The following PLCH1 variants were observed in gnomAD, a reference collection of about 807,000 sequenced individuals.
PLCH1 encodes 1-phosphatidylinositol 4,5-bisphosphate phosphodiesterase eta-1.
In PLCH1, 60 loss-of-function variants were observed where a neutral mutation model predicts 126.7. The ratio of observed to expected loss-of-function variants is 0.47; its 90% CI spans 0.38 to 0.59. The LOEUF (loss-of-function observed/expected upper bound fraction) is 0.59. PLCH1 is among the 20% of genes least tolerant of loss of function. PLCH1 has a pLI of 0.00. For synonymous variants in PLCH1, 719 were observed against 734.9 expected, an observed-to-expected ratio of 0.98 and a Z score of 0.35; for missense variants, 1,723 against 2,040.0, an observed-to-expected ratio of 0.84 and a Z score of 2.99.
chr3:155,688,363 A>G (rs1284097286), intron 2 of PLCH1, among the ~76,000 whole-genome samples: 1 of 152,250 alleles, frequency 6.6e-6, no homozygotes, highest in Non-Finnish European at 1.5e-5. Flanking sequence ...TTAGCATTTC[A>G]TAATACTTAG....
chr3:155,465,261 T>G (rs979408419), intron 21 of PLCH1, among the ~76,000 whole-genome samples: 13 of 150,940 alleles, frequency 8.6e-5, no homozygotes, highest in African/African-American at 3.2e-4. Flanking sequence ...GAAGGAAGAG[T>G]GGGGAGGACT....
At chr3:155,468,065 C>T (rs1002757740) in intron 21 of PLCH1, among the ~76,000 whole-genome samples, 7 of 152,016 alleles carry the variant, frequency 4.6e-5, no homozygotes, top group African/African-American at 1.7e-4. Context: ...ATAGTCAGTA[C>T]AATAAGATAT....
chr3:155,665,604 T>G (rs1742637705), intron 2 of PLCH1, among the ~76,000 whole-genome samples: 1 of 152,174 alleles, frequency 6.6e-6, no homozygotes, highest in Admixed American at 6.5e-5. Flanking sequence ...GATCTGCCTC[T>G]AGCACACTCA....
chr3:155,465,932 T>C (rs1712912388), intron 21 of PLCH1, among the ~76,000 whole-genome samples: 1 of 152,200 alleles, frequency 6.6e-6, no homozygotes, highest in Non-Finnish European at 1.5e-5. Flanking sequence ...TGGGAAGGAC[T>C]GCATCTTGTG....
At position 155,636,314 on chromosome 3, in the gene PLCH1, G is replaced by T. The variant is rs71310440; in HGVS notation, c.80-39936C>A. 4.2e-3 allele frequency among the ~76,000 whole-genome samples: 643 copies of T among 152,224 alleles called. 5 individuals carry two copies. The highest frequency in any genetic ancestry group is 4.4e-3 in the Non-Finnish European group (298 of 67,990). ...AAAATGTAGTCAATGTTTTGTTGTT[G>T]TTGCTGTTGTTGTTGTTTTTATTGT... On this transcript the variant is annotated intron_variant, in intron 2 of 22. Coordinates refer to ENST00000460012, the MANE Select transcript of PLCH1 (RefSeq NM_014996.4).
intron 2 of PLCH1, among the ~76,000 whole-genome samples, chr3:155,653,498 G>C (rs376154387): frequency 6.6e-6 from 1 of 152,014 alleles, no homozygotes; most frequent in Non-Finnish European, 1.5e-5. Flanking sequence ...CCTTCACCCC[G>C]CATTCCCTTA....
chr3:155,564,288 G>A (rs1204175981), intron 8 of PLCH1, among the ~76,000 whole-genome samples: 1 of 152,180 alleles, frequency 6.6e-6, no homozygotes, highest in East Asian at 1.9e-4. Context: ...AGCTTGGCCA[G>A]GCGCGGGGGC....
In PLCH1 at chr3:155,688,449, C is replaced by T. The variant is rs543023090; in HGVS notation, c.79+15697G>A. On this transcript the variant is annotated intron_variant, in intron 2 of 22. Coordinates refer to ENST00000460012, the MANE Select transcript of PLCH1 (RefSeq NM_014996.4). ...GAATTAACCCCCAGGAGCAAGATGG[C>T]AGAACAGAAGCCTACACCATTCATC... 8.5e-5 allele frequency among the ~76,000 whole-genome samples: 13 copies of T among 152,312 alleles called. No homozygotes were observed. In the East Asian group the frequency reaches 2.5e-3, roughly 29 times the overall value.
intron 8 of PLCH1, 76 bp from the exon 9 acceptor site, chr3:155,554,272 A>T: frequency 7.2e-7 from 1 of 1,397,454 alleles, no homozygotes; most frequent in Admixed American, 2.0e-5. Context: ...TACCAGACAC[A>T]TATTAAGTCC....
Position 155,466,267 on chromosome 3 carries a change from C to A in PLCH1, c.2938+19089G>T, listed in dbSNP as rs551849234. 2.6e-5 allele frequency among the ~76,000 whole-genome samples: 4 copies of A among 152,148 alleles called. No individual in the cohort carries two copies. In the East Asian group the frequency reaches 7.7e-4, roughly 29 times the overall value. On this transcript the variant is annotated intron_variant, in intron 21 of 21. Coordinates refer to the PLCH1 transcript ENST00000494598. The stretch of plus-strand genomic sequence containing the variant: ...GGGGTGGTCTTCACCCCCAGGTTTA[C>A]GTGGCTTAGAACAGAGGAGAGAGAG...
chr3:155,610,141 C>T (rs1363643558), intron 2 of PLCH1, among the ~76,000 whole-genome samples: 1 of 151,892 alleles, frequency 6.6e-6, no homozygotes, highest in African/African-American at 2.4e-5. Context: ...GGGCGGATCA[C>T]CTGAGGTCAG....
intron 14 of PLCH1, among the ~76,000 whole-genome samples, chr3:155,498,869 T>C (rs1239148090): frequency 6.6e-6 from 1 of 152,166 alleles, no homozygotes; most frequent in Non-Finnish European, 1.5e-5. Context: ...TCTTCTGCAG[T>C]CAAGTCCTCC....
In PLCH1 at chr3:155,713,049, A is replaced by C. The variant is rs542078185; in HGVS notation, c.-40-8785T>G. Among the ~76,000 whole-genome samples the C allele has an allele frequency of 8.6e-5, 13 of 151,992 alleles. No homozygotes were observed. The East Asian group carries it at 2.5e-3, about 29-fold the overall frequency. On this transcript the variant is annotated intron_variant, in intron 1 of 22. Transcript: ENST00000460012. ...GTGAGTTCCACATTATTAACAAATA[A>C]GACTAAATGGAAACAGCAGGTTGCA...
intron 21 of PLCH1, chr3:155,486,048 T>C: frequency 1.3e-6 from 1 of 758,182 alleles, no homozygotes; most frequent in African/African-American, 1.8e-5. Context: ...TGTTTCAAAG[T>C]GGTAAGCAGG....
rs562940765 is a variant in PLCH1 at position 155,693,357 on chromosome 3, C to T, written c.79+10789G>A. On this transcript the variant is annotated intron_variant, in intron 2 of 22. Transcript: ENST00000460012. ...GCGGGCGCCTGTAGTCCCAGCTACT[C>T]GGGAGGCTGAGGCAGGAGAATGGCG... 1.4e-3 allele frequency among the ~76,000 whole-genome samples: 99 copies of T among 72,672 alleles called. 31 individuals carry two copies. The highest frequency in any genetic ancestry group is 1.7e-3 in the African/African-American group (13 of 7,714). The allele number at this position is 72,672 out of a possible 152,430, so 47.7% of individuals were successfully genotyped here.
At chr3:155,501,999 A>G (rs1287810069) in intron 13 of PLCH1, among the ~76,000 whole-genome samples, 1 of 149,186 alleles carries the variant, frequency 6.7e-6, no homozygotes. Context: ...AGATTTTCTC[A>G]TGCTTCTCCT....
chr3:155,478,040 T>C (rs1198732931), downstream of PLCH1, among the ~76,000 whole-genome samples: 1 of 152,136 alleles, frequency 6.6e-6, no homozygotes, highest in Non-Finnish European at 1.5e-5. Context: ...ATGTGGTACA[T>C]ATACACAATG....
At chr3:155,708,730 T>C (rs963617997) in intron 1 of PLCH1, among the ~76,000 whole-genome samples, 9 of 152,228 alleles carry the variant, frequency 5.9e-5, no homozygotes, top group African/African-American at 1.7e-4. Flanking sequence ...ACCTTTTTTT[T>C]CTTTTCAACT....
intron 17 of PLCH1, among the ~76,000 whole-genome samples, chr3:155,493,404 T>C (rs904838080): frequency 2.0e-5 from 3 of 152,228 alleles, no homozygotes; most frequent in Non-Finnish European, 4.4e-5. Context: ...TTTGTTTCTT[T>C]TGAGATGGAG....
Sources: gnomAD v4.1 joint callset for allele counts (sites outside exome capture counted in the v4.1 genomes callset) on GRCh38, gnomAD v4.1.1 for gene constraint, MANE v1.5 for transcripts, NCBI Gene and HGNC (gene_info 2026-07-23, HGNC 2026-07-21) for gene names.